Variants in ADGRB3 observed in about 807,000 individuals in gnomAD.
ADGRB3 encodes the protein adhesion G protein-coupled receptor B3.
Under a neutral mutation model 193.4 loss-of-function variants are expected in ADGRB3, and 37 were observed. The ratio of observed to expected loss-of-function variants is 0.19; its 90% CI spans 0.15 to 0.25. The LOEUF is 0.25. Among genes scored for constraint, ADGRB3 ranks in the 10% least tolerant of loss-of-function variants. ADGRB3 has a pLI of 1.00. For synonymous variants in ADGRB3, 690 were observed against 644.2 expected (o/e 1.07, Z -1.08); for missense variants, 1,637 against 1,852.9 (o/e 0.88, Z 2.14).
intron 5 of ADGRB3, among the ~76,000 whole-genome samples, chr6:68,940,547 CT>C: frequency 0.027 from 1,854 of 69,216 alleles, 53 homozygotes; most frequent in African/African-American, 0.091. Flanking sequence ...TGCTTTTGAA[CT>C]TTTTTTTTTT....
chr6:69,028,243 G>A (rs1770496090), intron 13 of ADGRB3, among the ~76,000 whole-genome samples: 1 of 152,136 alleles, frequency 6.6e-6, no homozygotes, highest in Non-Finnish European at 1.5e-5. Flanking sequence ...TAATTGGAAG[G>A]TCCAGGAGCC....
intron 11 of ADGRB3, 138 bp downstream of exon 11, chr6:68,994,100 G>A: frequency 1.2e-6 from 1 of 802,654 alleles, no homozygotes; most frequent in Non-Finnish European, 1.9e-6. Flanking sequence ...TGTGAGCTCT[G>A]GAAATGACCT....
intron 20 of ADGRB3, among the ~76,000 whole-genome samples, chr6:69,271,276 T>C (rs1767169741): frequency 6.6e-6 from 1 of 152,114 alleles, no homozygotes; most frequent in Non-Finnish European, 1.5e-5. Context: ...TGGATATATA[T>C]AAGATATTTT....
intron 3 of ADGRB3, among the ~76,000 whole-genome samples, chr6:68,833,107 C>A (rs935858028): frequency 1.3e-5 from 2 of 152,062 alleles, no homozygotes; most frequent in African/African-American, 2.4e-5. Context: ...ACCAAAATAA[C>A]CACATCCATT....
intron 3 of ADGRB3, among the ~76,000 whole-genome samples, chr6:68,923,896 G>T (rs1391728274): frequency 6.6e-6 from 1 of 152,014 alleles, no homozygotes; most frequent in East Asian, 1.9e-4. Flanking sequence ...ATCTTGTCAA[G>T]AAACACATTA....
chr6:68,751,139 T>C (rs796947128), intron 3 of ADGRB3, among the ~76,000 whole-genome samples: 6 of 152,292 alleles, frequency 3.9e-5, no homozygotes, highest in African/African-American at 1.2e-4. Context: ...TACCTAACAG[T>C]ACTTACTGAA....
intron 17 of ADGRB3, among the ~76,000 whole-genome samples, chr6:69,167,220 A>G (rs1019135352): frequency 3.9e-5 from 6 of 152,130 alleles, no homozygotes; most frequent in East Asian, 1.9e-4. Context: ...AGCCTATAGT[A>G]TAGAGAGAAA....
intron 16 of ADGRB3, among the ~76,000 whole-genome samples, chr6:69,071,995 T>C (rs1772093383): frequency 6.6e-6 from 1 of 152,198 alleles, no homozygotes. Context: ...AGGTACTTAC[T>C]CAGCAAAACC....
chr6:69,297,389 T>C (rs1465847925), intron 20 of ADGRB3, among the ~76,000 whole-genome samples: 2 of 129,198 alleles, frequency 1.5e-5, no homozygotes, highest in Non-Finnish European at 3.3e-5. Flanking sequence ...TCTCTCTCTC[T>C]CTATCTCTCT....
chr6:69,268,440 T>A (rs939180761), intron 20 of ADGRB3, among the ~76,000 whole-genome samples: 3 of 152,144 alleles, frequency 2.0e-5, no homozygotes, highest in African/African-American at 7.2e-5. Flanking sequence ...CCAGTTGAAT[T>A]TATTGCTGTT....
At chr6:69,228,324 T>C (rs1252289886) in intron 17 of ADGRB3, among the ~76,000 whole-genome samples, 1 of 152,118 alleles carries the variant, frequency 6.6e-6, no homozygotes, top group Non-Finnish European at 1.5e-5. Flanking sequence ...TGAGAAACAG[T>C]GTCAGGGATT....
intron 6 of ADGRB3, among the ~76,000 whole-genome samples, chr6:68,951,139 T>C (rs1450484644): frequency 6.6e-6 from 1 of 152,170 alleles, no homozygotes; most frequent in Non-Finnish European, 1.5e-5. Context: ...AATGAGACAT[T>C]GTTTAATTTT....
chr6:68,865,236 T>C (rs1562062365), intron 3 of ADGRB3, among the ~76,000 whole-genome samples: 1 of 105,180 alleles, frequency 9.5e-6, no homozygotes, highest in African/African-American at 2.7e-5. Context: ...ATTTTGGATA[T>C]AATATACATT....
Position 69,223,652 on chromosome 6 carries a change from C to CTTTT in ADGRB3, c.2481-9619_2481-9616dup, listed in dbSNP as rs554027181. Among the ~76,000 whole-genome samples the CTTTT allele has an allele frequency of 2.2e-3, 241 of 110,364 alleles. 5 individuals are homozygous for CTTTT. Among genetic ancestry groups the CTTTT allele is most frequent in the Middle Eastern group, 5.5e-3 (1 of 182 alleles). 72.4% of individuals were successfully genotyped at this position (110,364 alleles called of 152,430 possible). On this transcript the variant is annotated intron_variant, in intron 17 of 31. Transcript: ENST00000370598. Reference sequence around the variant, plus strand: ...AATTTTTTTGAATCTCTCTCTCTCTCTTTTTTTTTTTTTTTTTTTTTTGGC... The same window carrying CTTTT: ...AATTTTTTTGAATCTCTCTCTCTCTCTTTTTTTTTTTTTTTTTTTTTTTTTTGGC...
At chr6:68,978,188 AT>A (rs1768801917) in intron 10 of ADGRB3, among the ~76,000 whole-genome samples, 2 of 151,548 alleles carry the variant, frequency 1.3e-5, no homozygotes, top group Non-Finnish European at 3.0e-5. Context: ...CAGAAAATTG[AT>A]TTTGAGTTTA....
intron 20 of ADGRB3, among the ~76,000 whole-genome samples, chr6:69,279,021 A>G (rs1767361375): frequency 6.9e-6 from 1 of 145,014 alleles, no homozygotes; most frequent in Non-Finnish European, 1.5e-5. Context: ...CTGTTTCAAG[A>G]ATTCACTTCT....
rs1473916682 is a variant in ADGRB3, at chr6:69,343,348, C to A, written c.3459+3844C>A. On this transcript the variant is annotated intron_variant, in intron 26 of 31. Coordinates refer to ENST00000370598, the MANE Select transcript of ADGRB3 (RefSeq NM_001704.3). ...ATCCCTTCCCCCTCCCCCCACCCCA[C>A]CACAGTCCCCAGAGTGTGATATTCC... Among the ~76,000 whole-genome samples, 4 of 128,998 alleles carry A rather than the reference C, an allele frequency of 3.1e-5. No homozygotes were observed. The Admixed American group carries it at 3.4e-4, about 11-fold the overall frequency. The allele number at this position is 128,998 out of a possible 152,430, so 84.6% of individuals were successfully genotyped here.
chr6:69,095,038 A>G (rs1018878871), intron 17 of ADGRB3, among the ~76,000 whole-genome samples: 1 of 152,238 alleles, frequency 6.6e-6, no homozygotes, highest in Non-Finnish European at 1.5e-5. Context: ...TTTCAAGCAC[A>G]GAACAATTTG....
intron 3 of ADGRB3, among the ~76,000 whole-genome samples, chr6:68,680,378 C>T (rs1220841593): frequency 1.3e-5 from 2 of 151,936 alleles, no homozygotes; most frequent in Non-Finnish European, 2.9e-5. Context: ...AGCAGCAGGG[C>T]AAGAGAGAGG....
Sources: allele counts gnomAD v4.1 joint callset (sites outside exome capture counted in the v4.1 genomes callset), GRCh38; gene constraint gnomAD v4.1.1; transcripts MANE v1.5; gene names NCBI Gene and HGNC (gene_info 2026-07-23, HGNC 2026-07-21).